Variants in CDKAL1 observed in about 807,000 individuals in gnomAD.
The protein encoded by CDKAL1 is CDKAL1 threonylcarbamoyladenosine tRNA methylthiotransferase, also known as threonylcarbamoyladenosine tRNA methylthiotransferase.
A neutral mutation model predicts 68.2 loss-of-function variants in CDKAL1; 32 were observed. That is an observed-to-expected ratio of 0.47 (90% confidence interval 0.35 to 0.63). The LOEUF (loss-of-function observed/expected upper bound fraction) is 0.63. Ranked by LOEUF, CDKAL1 falls within the 30% of genes least tolerant of loss-of-function variation. The pLI is 0.00. For missense variants in CDKAL1, 606 were observed against 696.7 expected (o/e 0.87, Z 1.47); for synonymous variants, 234 against 244.3 (o/e 0.96, Z 0.39).
At chr6:20,844,293 A>C (rs758368481) in intron 8 of CDKAL1, among the ~76,000 whole-genome samples, 23 of 152,196 alleles carry the variant, frequency 1.5e-4, no homozygotes, top group African/African-American at 3.9e-4. Flanking sequence ...ATGCTATATT[A>C]GTTTAAATCT....
intron 11 of CDKAL1, among the ~76,000 whole-genome samples, chr6:21,059,393 T>G (rs1771016076): frequency 6.6e-6 from 1 of 152,182 alleles, no homozygotes; most frequent in African/African-American, 2.4e-5. Context: ...CTGCTGAACA[T>G]CTGCACAGCT....
Position 20,953,905 on chromosome 6 carries a change from T to C in CDKAL1, c.743-1514T>C, listed in dbSNP as rs531827283. Among the ~76,000 whole-genome samples, 5 of 152,302 alleles carry C rather than the reference T, an allele frequency of 3.3e-5. No individual in the cohort carries two copies. The South Asian group carries it at 6.2e-4, about 19-fold the overall frequency. ...AAAAATATCTTCAGCTTTTAAAATGTATTGAGCTTTTTATTTTTTAAAAAG... is the reference window on the plus strand; with the variant it reads ...AAAAATATCTTCAGCTTTTAAAATGCATTGAGCTTTTTATTTTTTAAAAAG... On this transcript the variant is annotated intron_variant, in intron 9 of 15. Coordinates refer to ENST00000274695, the MANE Select transcript of CDKAL1 (RefSeq NM_017774.3).
At chr6:20,552,515 A>G (rs1436587180) in intron 4 of CDKAL1, among the ~76,000 whole-genome samples, 2 of 152,156 alleles carry the variant, frequency 1.3e-5, no homozygotes, top group Middle Eastern at 3.4e-3. Flanking sequence ...CAGTCCTGGT[A>G]TGTTTATACA....
In CDKAL1 at chr6:21,212,522, T is replaced by G. The variant is rs531895741; in HGVS notation, c.1548+11248T>G. On this transcript the variant is annotated intron_variant, in intron 15 of 15. Transcript: ENST00000274695. ...AACCATAAATTGTAGTTTCCTAGTT[T>G]CCCTTCTCACTTTCTAATGATGAAA... 2.0e-5 allele frequency among the ~76,000 whole-genome samples: 3 copies of G among 152,300 alleles called. No homozygotes were observed. The South Asian group carries it at 6.2e-4, about 32-fold the overall frequency.
At chr6:21,027,640 C>T (rs1310406118) in intron 11 of CDKAL1, among the ~76,000 whole-genome samples, 2 of 152,198 alleles carry the variant, frequency 1.3e-5, no homozygotes, top group Admixed American at 6.5e-5. Context: ...CTCAAGTGCT[C>T]ACTTGTCCTT....
At position 21,231,109 on chromosome 6, in the gene CDKAL1, C is replaced by A; in HGVS notation, c.*70C>A. The A allele has an allele frequency of 8.0e-7, 1 of 1,245,706 alleles. No homozygotes were observed. Among genetic ancestry groups the A allele is most frequent in the Non-Finnish European group, 1.1e-6 (1 of 889,888 alleles). The allele number at this position is 1,245,706 out of a possible 1,614,324, so 77.2% of individuals were successfully genotyped here. A position where few individuals can be genotyped will look rare whatever the true frequency, so the allele number is the denominator to read the frequency against. ...TTAAAATCTTCAATGAACAGGAAAG[C>A]GACATCTCCATTCTCCAAGGGCAAT... On this transcript the variant is annotated 3_prime_UTR_variant, in exon 16 of 16. Coordinates refer to ENST00000274695, the MANE Select transcript of CDKAL1 (RefSeq NM_017774.3).
chr6:20,780,670 CTTTTTT>C (rs1223553462), intron 7 of CDKAL1, among the ~76,000 whole-genome samples: 32 of 38,200 alleles, frequency 8.4e-4, no homozygotes, highest in South Asian at 6.1e-3. Context: ...ATTTCTTTTT[CTTTTTT>C]TTTTTTTTTT....
chr6:21,073,884 A>G (rs1218475977), intron 12 of CDKAL1, among the ~76,000 whole-genome samples: 1 of 152,118 alleles, frequency 6.6e-6, no homozygotes, highest in East Asian at 1.9e-4. Context: ...AAATTTTTCA[A>G]CTTTCCACTG....
At chr6:20,662,804 T>A (rs4712526) in intron 5 of CDKAL1, among the ~76,000 whole-genome samples, 60,197 of 152,006 alleles carry the variant, frequency 0.4, 13,055 homozygotes, top group African/African-American at 0.58. Context: ...TGGATTTTCA[T>A]AGAACTTTTT....
chr6:20,903,219 A>G (rs1762088585), intron 9 of CDKAL1, among the ~76,000 whole-genome samples: 1 of 152,154 alleles, frequency 6.6e-6, no homozygotes, highest in Non-Finnish European at 1.5e-5. Flanking sequence ...ACACACACGA[A>G]CAACTTTAAT....
intron 9 of CDKAL1, among the ~76,000 whole-genome samples, chr6:20,924,449 G>C (rs1413240650): frequency 6.6e-6 from 1 of 151,518 alleles, no homozygotes; most frequent in Non-Finnish European, 1.5e-5. Flanking sequence ...GGGTCATGTT[G>C]TGAATGCAAA....
chr6:21,150,756 A>G (rs578022696), intron 13 of CDKAL1, among the ~76,000 whole-genome samples: 1 of 152,326 alleles, frequency 6.6e-6, no homozygotes, highest in South Asian at 2.1e-4. Flanking sequence ...CAGGCTTTCT[A>G]TATTCCATCA....
intron 4 of CDKAL1, among the ~76,000 whole-genome samples, chr6:20,641,636 GATA>G (rs759423741): frequency 1.9e-4 from 29 of 152,184 alleles, no homozygotes; most frequent in Non-Finnish European, 4.3e-4. Flanking sequence ...TGTTTCTTCT[GATA>G]ATATCACAGA....
At chr6:20,868,336 G>A (rs562967862) in intron 9 of CDKAL1, among the ~76,000 whole-genome samples, 2 of 152,160 alleles carry the variant, frequency 1.3e-5, no homozygotes, top group Non-Finnish European at 2.9e-5. Flanking sequence ...TGCAGTTATA[G>A]ACCCTTAAAC....
In CDKAL1 at chr6:20,960,275, C is replaced by T. The variant is rs139197897; in HGVS notation, c.909+4690C>T. Among the ~76,000 whole-genome samples, 447 of 152,224 alleles carry T rather than the reference C, an allele frequency of 2.9e-3. 4 individuals are homozygous for T. Among genetic ancestry groups the T allele is most frequent in the African/African-American group, 9.2e-3 (384 of 41,526 alleles). ...GGGACTACAAACATACACCACTGTGCCTGGCTGTTATTTTTGTTTTGTTAA... is the reference window on the plus strand; with the variant it reads ...GGGACTACAAACATACACCACTGTGTCTGGCTGTTATTTTTGTTTTGTTAA... On this transcript the variant is annotated intron_variant, in intron 10 of 15. Transcript: ENST00000274695.
chr6:20,550,412 C>T (rs1174139616), intron 4 of CDKAL1, among the ~76,000 whole-genome samples: 2 of 152,190 alleles, frequency 1.3e-5, no homozygotes, highest in Non-Finnish European at 2.9e-5. Context: ...AGGCTGGCTC[C>T]TGTGTCTTTT....
intron 12 of CDKAL1, among the ~76,000 whole-genome samples, chr6:21,065,646 T>C (rs1417368060): frequency 6.6e-6 from 1 of 150,966 alleles, no homozygotes; most frequent in African/African-American, 2.4e-5. Flanking sequence ...GCTGCTTTTC[T>C]ATTGGATAGA....
chr6:20,671,606 T>C (rs898826610), intron 5 of CDKAL1, among the ~76,000 whole-genome samples: 5 of 152,242 alleles, frequency 3.3e-5, no homozygotes, highest in African/African-American at 1.2e-4. Flanking sequence ...TCTCCAATCC[T>C]TTTGGAGTTT....
chr6:21,023,309 G>A (rs1768782551), intron 11 of CDKAL1, among the ~76,000 whole-genome samples: 1 of 152,106 alleles, frequency 6.6e-6, no homozygotes, highest in Non-Finnish European at 1.5e-5. Flanking sequence ...TCAGATTTAA[G>A]GATACCTTAA....
Sources: gnomAD v4.1 joint callset for allele counts (sites outside exome capture counted in the v4.1 genomes callset) on GRCh38, gnomAD v4.1.1 for gene constraint, MANE v1.5 for transcripts, NCBI Gene and HGNC (gene_info 2026-07-23, HGNC 2026-07-21) for gene names.